ARID4A: variants seen among roughly 807,000 people sequenced by gnomAD.
ARID4A encodes AT-rich interactive domain-containing protein 4A.
A neutral mutation model predicts 148.6 loss-of-function variants in ARID4A; 39 were observed. That is an observed-to-expected ratio of 0.26 (90% CI 0.20 to 0.34). The LOEUF (loss-of-function observed/expected upper bound fraction) is 0.34, where lower values mean the gene tolerates loss of function less well. ARID4A is among the 10% of genes least tolerant of loss of function. The pLI, the probability that ARID4A is intolerant of heterozygous loss-of-function variation, is 1.00. For synonymous variants in ARID4A, 475 were observed against 481.2 expected (o/e 0.99, Z 0.17); for missense variants, 1,265 against 1,449.1 (o/e 0.87, Z 2.06).
chr14:58,333,936 A>T (rs2033664640), intron 11 of ARID4A, among the ~76,000 whole-genome samples: 1 of 152,184 alleles, frequency 6.6e-6, no homozygotes, highest in Non-Finnish European at 1.5e-5. Context: ...AGCAGATCCT[A>T]AAAAGCCAAC....
chr14:58,320,935 A>G (rs1203464999), intron 7 of ARID4A, among the ~76,000 whole-genome samples: 2 of 152,204 alleles, frequency 1.3e-5, no homozygotes, highest in Admixed American at 6.5e-5. Flanking sequence ...GAAGAATACA[A>G]GACAATAGTC....
At chr14:58,307,283 A>G (rs1220817728) in intron 5 of ARID4A, among the ~76,000 whole-genome samples, 1 of 152,210 alleles carries the variant, frequency 6.6e-6, no homozygotes, top group African/African-American at 2.4e-5. Flanking sequence ...GCTTTGGGTA[A>G]AAATCATTCA....
At chr14:58,321,882 A>C (rs879267507) in intron 7 of ARID4A, among the ~76,000 whole-genome samples, 1 of 152,212 alleles carries the variant, frequency 6.6e-6, no homozygotes, top group Admixed American at 6.5e-5. Flanking sequence ...TAGCTGAGGA[A>C]AATGGGAACA....
chr14:58,351,562 G>A (rs1006764695), intron 16 of ARID4A: 2 of 359,678 alleles, frequency 5.6e-6, no homozygotes, highest in Non-Finnish European at 9.9e-6. Flanking sequence ...AAAGAAGGCT[G>A]CGCCACCCAG....
At chr14:58,338,098 A>G (rs1311582206) in intron 11 of ARID4A, among the ~76,000 whole-genome samples, 2 of 152,176 alleles carry the variant, frequency 1.3e-5, no homozygotes, top group Non-Finnish European at 2.9e-5. Context: ...TCCCTTTGTT[A>G]GTATTAAATA....
At chr14:58,335,828 A>G (rs964819596) in intron 11 of ARID4A, among the ~76,000 whole-genome samples, 2 of 152,046 alleles carry the variant, frequency 1.3e-5, no homozygotes, top group African/African-American at 4.8e-5. Flanking sequence ...ATTCTCTTCT[A>G]CCTGCTCGAA....
intron 7 of ARID4A, among the ~76,000 whole-genome samples, chr14:58,320,506 A>G (rs191437975): frequency 2.5e-4 from 38 of 152,054 alleles, no homozygotes; most frequent in Non-Finnish European, 4.4e-5. Flanking sequence ...ACAGGATCCA[A>G]TTCAGGATCA....
chr14:58,312,217 A>ATT (rs1167025695), intron 5 of ARID4A, among the ~76,000 whole-genome samples: 12 of 142,932 alleles, frequency 8.4e-5, no homozygotes, highest in Non-Finnish European at 1.2e-4. Context: ...TTAATGTTAA[A>ATT]TTTTTTTTTT....
At chr14:58,300,346 T>A (rs1451648535) in intron 2 of ARID4A, among the ~76,000 whole-genome samples, 1 of 141,728 alleles carries the variant, frequency 7.1e-6, no homozygotes, top group Non-Finnish European at 1.5e-5. Flanking sequence ...AGTTAAATCT[T>A]TCCAATAAGT....
At chr14:58,353,507 TCTTCTC>T in intron 16 of ARID4A, 145 bp from the exon 17 acceptor site, 1 of 653,128 alleles carries the variant, frequency 1.5e-6, no homozygotes, top group Non-Finnish European at 2.6e-6. Flanking sequence ...GCCACAGAAA[TCTTCTC>T]CTTCTCCTCC....
intron 3 of ARID4A, chr14:58,303,568 G>C: frequency 2.1e-6 from 1 of 470,932 alleles, no homozygotes; most frequent in Non-Finnish European, 4.4e-6. Context: ...GGAAACGTCT[G>C]ACTTGTTCTA....
chr14:58,317,727 G>A (rs1422107547), intron 5 of ARID4A, among the ~76,000 whole-genome samples: 18 of 137,628 alleles, frequency 1.3e-4, no homozygotes, highest in Non-Finnish European at 2.4e-4. Flanking sequence ...GGTTTTTCGC[G>A]GCTCAAGCAA....
At chr14:58,339,958 T>C (rs1043156872) in intron 11 of ARID4A, among the ~76,000 whole-genome samples, 4 of 151,200 alleles carry the variant, frequency 2.6e-5, no homozygotes, top group Non-Finnish European at 5.9e-5. Flanking sequence ...ACAGCAAGGG[T>C]GAAATCTGCC....
At position 58,304,935 on chromosome 14, in the gene ARID4A, G is replaced by GT. The variant is rs1301514559; in HGVS notation, c.118-4dup. ...TAATATGCAAATTATTGTGCAAAAT[G>GT]TTTTTCAGGTACTCCTGAAACAGGA... is the stretch of plus-strand genomic sequence containing the variant. On this transcript the variant is annotated splice_polypyrimidine_tract_variant and intron_variant, in intron 3 of 23. Transcript: ENST00000355431. 2.5e-6 allele frequency: 4 copies of GT among 1,603,772 alleles called. No individual in the cohort carries two copies. Among genetic ancestry groups the GT allele is most frequent in the South Asian group, 1.1e-5 (1 of 88,708 alleles).
rs142920773 is a variant in ARID4A at position 58,338,683 on chromosome 14, A to G, written c.907-6012A>G. 3.3e-5 allele frequency among the ~76,000 whole-genome samples: 5 copies of G among 152,288 alleles called. No individual in the cohort carries two copies. The East Asian group carries it at 9.7e-4, about 29-fold the overall frequency. ...CATGAAGAGGGCCAGAAGAGGGACT[A>G]TAGACAGCATCATAAAGAAATTTAA... On this transcript the variant is annotated intron_variant, in intron 11 of 23. Transcript: ENST00000355431.
intron 11 of ARID4A, 79 bp downstream of exon 11, chr14:58,330,248 C>G (rs190336431): frequency 3.3e-6 from 5 of 1,512,148 alleles, no homozygotes; most frequent in Admixed American, 5.4e-5. Context: ...ATTTTTCCCT[C>G]TGTTTAGATT....
Position 58,360,822 on chromosome 14 carries a change from TAG to T in ARID4A, c.1939-78_1939-77del. On this transcript the variant is annotated intron_variant, in intron 18 of 23. Transcript: ENST00000355431. The stretch of plus-strand genomic sequence containing the variant: ...AAAATATCAAACCTTTTTTGAGATG[TAG>T]TTTTCTTTGGATAAGTAGAATGTTC... 8 of 1,420,354 alleles carry T rather than the reference TAG, an allele frequency of 5.6e-6. No individual in the cohort carries two copies. In the Admixed American group the frequency reaches 1.4e-4, roughly 25 times the overall value. The allele number at this position is 1,420,354 out of a possible 1,614,324, so 88.0% of individuals were successfully genotyped here. A position where few individuals can be genotyped will look rare whatever the true frequency, so the allele number is the denominator to read the frequency against.
chr14:58,330,105 A>G lies in ARID4A; in HGVS notation c.842A>G (p.Asp281Gly). ...GAGTCATCCAGTAGTGATGATGAAG[A>G]TGGCCCAGCTGAAGAAAATGATGAA... ...ILESSSSDDEDGPAEENDEEK... is the reference protein window; with the variant it reads ...ILESSSSDDEGGPAEENDEEK... The change falls in exon 11 of 24, where the codon GAT becomes GGT. Residue 281 changes from aspartate (D) to glycine (G), a missense_variant. Around this residue, in one of 9 missense-constraint regions of ARID4A, gnomAD observed 249 missense variants for 277.2 expected, o/e 0.90. Transcript: ENST00000355431. 1 of 1,613,584 alleles carries G rather than the reference A, an allele frequency of 6.2e-7. No individual in the cohort carries two copies. The highest frequency in any genetic ancestry group is 1.1e-5 in the South Asian group (1 of 90,970).
chr14:58,320,154 G>C (rs1290770108), intron 7 of ARID4A, among the ~76,000 whole-genome samples: 1 of 151,538 alleles, frequency 6.6e-6, no homozygotes, highest in Non-Finnish European at 1.5e-5. Flanking sequence ...CACCATGTTG[G>C]CCAGGATGAT....
Sources: allele counts gnomAD v4.1 joint callset (sites outside exome capture counted in the v4.1 genomes callset), GRCh38; gene constraint gnomAD v4.1.1; regional missense constraint gnomAD v4.1.1; transcripts MANE v1.5; gene names NCBI Gene and HGNC (gene_info 2026-07-23, HGNC 2026-07-21).